Variants in IKZF2 observed in about 807,000 individuals in gnomAD.
IKZF2 encodes the protein IKAROS family zinc finger 2.
IKZF2 carries 15 observed loss-of-function variants against 49.2 expected under a neutral mutation model. That is an observed-to-expected ratio of 0.30 (90% CI 0.20 to 0.47). The LOEUF (loss-of-function observed/expected upper bound fraction) is 0.47. Among genes scored for constraint, IKZF2 ranks in the 20% least tolerant of loss-of-function variants. The probability of loss-of-function intolerance (pLI) is 1.00; values close to 1 mark genes in which losing one functional copy is unlikely to be tolerated. For missense variants in IKZF2, 567 were observed against 664.6 expected, an observed-to-expected ratio of 0.85 and a Z score of 1.61; for synonymous variants, 227 against 221.4, an observed-to-expected ratio of 1.03 and a Z score of -0.23.
At chr2:213,151,270 C>T (rs543164119) in intron 1 of IKZF2, 143 bp downstream of exon 1, 1 of 152,164 alleles carries the variant, frequency 6.6e-6, no homozygotes, top group East Asian at 1.9e-4. Context: ...CATCACAGTG[C>T]AAAACGAGAT....
intron 4 of IKZF2, among the ~76,000 whole-genome samples, chr2:213,147,049 T>G (rs2061099431): frequency 6.6e-6 from 1 of 152,140 alleles, no homozygotes; most frequent in Non-Finnish European, 1.5e-5. Flanking sequence ...AAGTTGCATC[T>G]TATTACATAA....
In IKZF2 at chr2:213,138,893, A is replaced by G. The variant is rs528623320; in HGVS notation, c.139+8815T>C. Among the ~76,000 whole-genome samples, 11 of 152,028 alleles carry G rather than the reference A, an allele frequency of 7.2e-5. No individual in the cohort carries two copies. In the East Asian group the frequency reaches 1.9e-3, roughly 27 times the overall value. ...TGGAAGTGCCTCTATATCACCAGCT[A>G]ACTTAAGGATCTTTCCTAGGTGGTA... On this transcript the variant is annotated intron_variant, in intron 4 of 8. Coordinates refer to ENST00000434687, the MANE Select transcript of IKZF2 (RefSeq NM_001387220.1).
At chr2:213,044,192 T>C (rs1232848099) in intron 6 of IKZF2, among the ~76,000 whole-genome samples, 1 of 152,184 alleles carries the variant, frequency 6.6e-6, no homozygotes, top group African/African-American at 2.4e-5. Flanking sequence ...GACCCTTTCC[T>C]ATTTCTCTTA....
At chr2:213,137,956 A>T (rs537463708) in intron 4 of IKZF2, among the ~76,000 whole-genome samples, 2 of 152,254 alleles carry the variant, frequency 1.3e-5, no homozygotes, top group African/African-American at 4.8e-5. Flanking sequence ...AAGGGTAAGG[A>T]GAACTACAGC....
At chr2:213,010,385 G>T (rs867146094) in intron 8 of IKZF2, among the ~76,000 whole-genome samples, 9 of 152,036 alleles carry the variant, frequency 5.9e-5, no homozygotes, top group Non-Finnish European at 1.2e-4. Flanking sequence ...AGTGGGGTTT[G>T]CACTGGGCCC....
intron 6 of IKZF2, among the ~76,000 whole-genome samples, chr2:213,044,887 G>A (rs1485482233): frequency 6.6e-6 from 1 of 152,132 alleles, no homozygotes; most frequent in Non-Finnish European, 1.5e-5. Flanking sequence ...TGGTAGTGGG[G>A]CAATGATGAG....
chr2:213,067,235 A>G (rs1017364296), intron 4 of IKZF2, among the ~76,000 whole-genome samples: 3 of 152,126 alleles, frequency 2.0e-5, no homozygotes, highest in African/African-American at 7.2e-5. Flanking sequence ...TAATATATCT[A>G]TGTGAAAGCA....
chr2:213,151,316 C>T (rs1244689940), intron 1 of IKZF2, 97 bp downstream of exon 1: 1 of 152,138 alleles, frequency 6.6e-6, no homozygotes, highest in East Asian at 1.9e-4. Context: ...AAACACTCCC[C>T]CCTTTGCAAA....
rs531608169 is a variant in IKZF2, at chr2:213,007,134, G to A, written c.*226C>T. The A allele has an allele frequency of 1.3e-4, 61 of 455,730 alleles. No homozygotes were observed. The highest frequency in any genetic ancestry group is 1.2e-3 in the African/African-American group (59 of 50,260). The allele number at this position is 455,730 out of a possible 1,614,324, so 28.2% of individuals were successfully genotyped here. ...AAATTCCCACAAAATAAACAAGCCA[G>A]GTGATAAAGAAACAATATTCCCGCC... On this transcript the variant is annotated 3_prime_UTR_variant, in exon 9 of 9. Coordinates refer to ENST00000434687, the MANE Select transcript of IKZF2 (RefSeq NM_001387220.1).
intron 6 of IKZF2, among the ~76,000 whole-genome samples, chr2:213,049,415 T>C (rs1700472088): frequency 6.6e-6 from 1 of 152,126 alleles, no homozygotes; most frequent in South Asian, 2.1e-4. Context: ...CCATAATGAC[T>C]GCATTCTTAA....
chr2:213,081,027 A>C (rs1703891365), intron 4 of IKZF2: 1 of 154,366 alleles, frequency 6.5e-6, no homozygotes, highest in African/African-American at 2.4e-5. Flanking sequence ...AAAAGCAATT[A>C]GAGTTTCTAT....
chr2:213,027,866 C>G (rs1697985300), intron 6 of IKZF2, among the ~76,000 whole-genome samples: 1 of 152,020 alleles, frequency 6.6e-6, no homozygotes, highest in African/African-American at 2.4e-5. Context: ...GAGCGTATGT[C>G]TCTGGTCTAA....
rs1194907237 is a variant in IKZF2 at position 213,007,238 on chromosome 2, A to G, written c.*122T>C. 1.9e-6 allele frequency: 2 copies of G among 1,039,332 alleles called. No individual in the cohort carries two copies. The highest frequency in any genetic ancestry group is 2.7e-6 in the Non-Finnish European group (2 of 727,562). The allele number at this position is 1,039,332 out of a possible 1,614,324, so 64.4% of individuals were successfully genotyped here. A position where few individuals can be genotyped will look rare whatever the true frequency, so the allele number is the denominator to read the frequency against. On this transcript the variant is annotated 3_prime_UTR_variant, in exon 9 of 9. Coordinates refer to ENST00000434687, the MANE Select transcript of IKZF2 (RefSeq NM_001387220.1). ...CCTCCACAAAATAAGAATTATCAAC[A>G]GTAATAATATTAAAAAAAATAAAAG...
At chr2:213,147,636 G>C in intron 4 of IKZF2, 72 bp downstream of exon 4, 2 of 1,107,734 alleles carry the variant, frequency 1.8e-6, no homozygotes, top group Non-Finnish European at 2.8e-6. Flanking sequence ...GGACCCCACA[G>C]ACCTAACAAA....
chr2:213,088,588 C>T (rs1196629601), intron 4 of IKZF2, among the ~76,000 whole-genome samples: 1 of 151,920 alleles, frequency 6.6e-6, no homozygotes, highest in Non-Finnish European at 1.5e-5. Context: ...GTGAAACCTC[C>T]TCTCTAGTAA....
chr2:213,052,046 A>G (rs1376061244), intron 5 of IKZF2, among the ~76,000 whole-genome samples: 1 of 152,152 alleles, frequency 6.6e-6, no homozygotes, highest in Non-Finnish European at 1.5e-5. Flanking sequence ...AAATGAAACA[A>G]TATCTTTTTT....
Position 213,013,928 on chromosome 2 carries a change from G to T in IKZF2, c.719C>A (p.Pro240His). 1 of 1,611,032 alleles carries T rather than the reference G, an allele frequency of 6.2e-7. No individual in the cohort carries two copies. The highest frequency in any genetic ancestry group is 8.5e-7 in the Non-Finnish European group (1 of 1,177,824). ...AGQVMSHHVPPMEDCKEQEPI... is the reference protein window; with the variant it reads ...AGQVMSHHVPHMEDCKEQEPI... ...CTCTTGTTCCTTACAATCTTCCATAGGAGGTACTATACAAAACCATAGAAA... is the reference window on the plus strand; with the variant it reads ...CTCTTGTTCCTTACAATCTTCCATATGAGGTACTATACAAAACCATAGAAA... The change falls in exon 8 of 9, where the codon CCT (proline) becomes CAT (histidine). Residue 240 changes from proline (P) to histidine (H), a missense_variant. This residue lies in a region of IKZF2 where 310 missense variants were observed against 326.9 expected (regional missense o/e 0.95). Coordinates refer to ENST00000434687, the MANE Select transcript of IKZF2 (RefSeq NM_001387220.1).
At position 213,142,978 on chromosome 2, in the gene IKZF2, G is replaced by A. The variant is rs538650315; in HGVS notation, c.139+4730C>T. Among the ~76,000 whole-genome samples, 85 of 151,710 alleles carry A rather than the reference G, an allele frequency of 5.6e-4. 1 individual carries two copies. The South Asian group carries it at 7.3e-3, about 13-fold the overall frequency. ...AGGTATATTGGGTCTCAATTAATTC[G>A]CAAAAGGAAAATACCAACAGGCCAA... On this transcript the variant is annotated intron_variant, in intron 4 of 8. Transcript: ENST00000434687.
chr2:213,099,203 C>A (rs951927586), intron 4 of IKZF2, among the ~76,000 whole-genome samples: 2 of 151,988 alleles, frequency 1.3e-5, no homozygotes, highest in Non-Finnish European at 2.9e-5. Context: ...TCAGCCTCCT[C>A]CCCCCATCCT....
Sources: allele counts gnomAD v4.1 joint callset (sites outside exome capture counted in the v4.1 genomes callset), GRCh38; gene constraint gnomAD v4.1.1; regional missense constraint gnomAD v4.1.1; transcripts MANE v1.5; gene names NCBI Gene and HGNC (gene_info 2026-07-23, HGNC 2026-07-21).